The following TUT7 variants were observed in gnomAD, a reference collection of about 807,000 sequenced individuals.
The protein encoded by TUT7 is terminal uridylyltransferase 7.
In TUT7, 33 loss-of-function variants were observed where a neutral mutation model predicts 165.9. That is an observed-to-expected ratio of 0.20 (90% CI 0.15 to 0.27). The LOEUF (loss-of-function observed/expected upper bound fraction) is 0.27, where lower values mean the gene tolerates loss of function less well. Ranked by LOEUF, TUT7 falls within the 10% of genes least tolerant of loss-of-function variation. TUT7 has a pLI of 1.00. For missense variants in TUT7, 1,338 were observed against 1,762.3 expected, an observed-to-expected ratio of 0.76 and a Z score of 4.31; for synonymous variants, 552 against 608.1, an observed-to-expected ratio of 0.91 and a Z score of 1.36.
Position 86,346,356 on chromosome 9 carries a change from T to TAGCA in TUT7, c.641_644dup (p.Gly216AlafsTer7), listed in dbSNP as rs1221200154. On this transcript the variant is annotated frameshift_variant, in exon 3 of 27. Coordinates refer to ENST00000375963, the MANE Select transcript of TUT7 (RefSeq NM_024617.4). LOFTEE classifies it high-confidence loss of function. ...GTCTCTCCTCAGCCTGCTGTAAGCCTAGCAGCTCCTTCGTTGAAAGTACAG... is the reference window on the plus strand; with the variant it reads ...GTCTCTCCTCAGCCTGCTGTAAGCCTAGCAAGCAGCTCCTTCGTTGAAAGTACAG... 1 of 1,613,976 alleles carries TAGCA rather than the reference T, an allele frequency of 6.2e-7. No individual in the cohort carries two copies. The highest frequency in any genetic ancestry group is 1.3e-5 in the African/African-American group (1 of 74,910).
At position 86,324,078 on chromosome 9, in the gene TUT7, C is replaced by T. The variant is rs548478883; in HGVS notation, c.1790-118G>A. 7.1e-6 allele frequency: 7 copies of T among 987,110 alleles called. No individual in the cohort carries two copies. The African/African-American group carries it at 8.3e-5, about 12-fold the overall frequency. The allele number at this position is 987,110 out of a possible 1,614,324, so 61.1% of individuals were successfully genotyped here. A position where few individuals can be genotyped will look rare whatever the true frequency, so the allele number is the denominator to read the frequency against. On this transcript the variant is annotated intron_variant, in intron 12 of 26. Coordinates refer to ENST00000375963, the MANE Select transcript of TUT7 (RefSeq NM_024617.4). ...GACAACAAACAATGGTAAAATTTAT[C>T]TTGCATTTTATAGACTTAAAAAAAA... is the stretch of plus-strand genomic sequence containing the variant.
At chr9:86,290,301 T>C (rs1447214600) in intron 26 of TUT7, among the ~76,000 whole-genome samples, 1 of 152,200 alleles carries the variant, frequency 6.6e-6, no homozygotes, top group African/African-American at 2.4e-5. Flanking sequence ...AACATTACTT[T>C]CTAAATTTTC....
intron 14 of TUT7, among the ~76,000 whole-genome samples, chr9:86,321,190 TAAA>T (rs758749770): frequency 1.6e-5 from 2 of 121,286 alleles, no homozygotes. Flanking sequence ...CCATCTCTAC[TAAA>T]AAAAAAAAAA....
At chr9:86,321,049 A>G (rs544871674) in intron 14 of TUT7, among the ~76,000 whole-genome samples, 1 of 152,300 alleles carries the variant, frequency 6.6e-6, no homozygotes, top group East Asian at 1.9e-4. Flanking sequence ...CCAGGCTTCA[A>G]GTAACTTGAA....
At position 86,309,356 on chromosome 9, in the gene TUT7, G is replaced by A; in HGVS notation, c.3583-67C>T. ...AATGCATTGATACAAAAACTTCTAG[G>A]AAAATAGGTAAAAAATTAACTACAG... On this transcript the variant is annotated intron_variant, in intron 20 of 26. Transcript: ENST00000375963. 3.5e-6 allele frequency: 5 copies of A among 1,421,366 alleles called. No homozygotes were observed. The South Asian group carries it at 6.2e-5, about 18-fold the overall frequency. 88.0% of individuals were successfully genotyped at this position (1,421,366 alleles called of 1,614,324 possible).
intron 14 of TUT7, among the ~76,000 whole-genome samples, chr9:86,320,146 C>T (rs988492996): frequency 1.3e-5 from 2 of 151,896 alleles, no homozygotes; most frequent in East Asian, 3.9e-4. Flanking sequence ...TCAGAAATCA[C>T]CACCCCGCTA....
intron 26 of TUT7, among the ~76,000 whole-genome samples, chr9:86,298,100 C>G (rs1826520882): frequency 6.6e-6 from 1 of 152,074 alleles, no homozygotes; most frequent in Non-Finnish European, 1.5e-5. Context: ...TTAAATGTTA[C>G]TTTACCAGAG....
At chr9:86,338,314 C>T (rs549789173) in intron 9 of TUT7, among the ~76,000 whole-genome samples, 14 of 150,858 alleles carry the variant, frequency 9.3e-5, no homozygotes, top group South Asian at 4.2e-4. Flanking sequence ...CAGGTTCAAG[C>T]GACAGAATCT....
intron 26 of TUT7, among the ~76,000 whole-genome samples, chr9:86,298,003 C>T (rs1280982315): frequency 6.8e-6 from 1 of 147,344 alleles, no homozygotes; most frequent in Non-Finnish European, 1.5e-5. Context: ...AGTGATGCTG[C>T]AGGACAACAC....
chr9:86,317,922 T>C (rs1199581132), intron 16 of TUT7, among the ~76,000 whole-genome samples: 2 of 152,102 alleles, frequency 1.3e-5, no homozygotes, highest in Non-Finnish European at 2.9e-5. Context: ...TTATAAGCCA[T>C]GTAAAAAAAT....
rs144060548 is a variant in TUT7, at chr9:86,294,052, A to G, written c.4421-5308T>C. ...TGAGCCATGGCGCCCGGCCGCAAGG[A>G]TAGTTTTAAGAGAGTCAATTTCTAG... On this transcript the variant is annotated intron_variant, in intron 26 of 26. Coordinates refer to ENST00000375963, the MANE Select transcript of TUT7 (RefSeq NM_024617.4). Among the ~76,000 whole-genome samples the G allele has an allele frequency of 1.0e-3, 157 of 152,268 alleles. 1 individual carries two copies. Among genetic ancestry groups the G allele is most frequent in the Non-Finnish European group, 6.6e-4 (45 of 68,010 alleles).
chr9:86,340,192 C>T, intron 7 of TUT7, 87 bp from the exon 8 acceptor site: 1 of 1,106,678 alleles, frequency 9.0e-7, no homozygotes. Flanking sequence ...TACCAGTTGT[C>T]CCTTAGCTGT....
intron 17 of TUT7, among the ~76,000 whole-genome samples, chr9:86,315,486 G>A (rs1294206479): frequency 6.6e-6 from 1 of 152,180 alleles, no homozygotes; most frequent in Non-Finnish European, 1.5e-5. Context: ...TGGTGGATCT[G>A]AATAAAAGTT....
intron 10 of TUT7, among the ~76,000 whole-genome samples, chr9:86,328,839 T>G (rs570045382): frequency 8.1e-4 from 123 of 152,266 alleles, no homozygotes; most frequent in South Asian, 3.7e-3. Flanking sequence ...GTAAGGTACT[T>G]ACTCTCTGTA....
At chr9:86,292,851 C>T (rs1249502769) in intron 26 of TUT7, among the ~76,000 whole-genome samples, 4 of 152,070 alleles carry the variant, frequency 2.6e-5, no homozygotes, top group Non-Finnish European at 4.4e-5. Flanking sequence ...GCTACTTGCC[C>T]GTTTCTGTTT....
chr9:86,323,093 G>A lies in TUT7; in HGVS notation c.2657C>T (p.Ser886Leu). Residue 886 changes from serine (S) to leucine (L), a missense_variant, in exon 13 of 27, where the codon TCA becomes TTA. By Grantham distance (145) the Ser-to-Leu change is moderately radical. This residue lies in a region of TUT7 where 425 missense variants were observed against 474.9 expected (regional missense o/e 0.89). Coordinates refer to ENST00000375963, the MANE Select transcript of TUT7 (RefSeq NM_024617.4). ...EDELDNTYTG[S>L]GDEDALSEED... Reference sequence around the variant, plus strand: ...TTCAGATAGGGCGTCCTCATCCCCTGACCCAGTGTAGGTGTTGTCTAACTC... The same window carrying A: ...TTCAGATAGGGCGTCCTCATCCCCTAACCCAGTGTAGGTGTTGTCTAACTC... 6.2e-7 allele frequency: 1 copy of A among 1,614,138 alleles called. No individual in the cohort carries two copies. The highest frequency in any genetic ancestry group is 8.5e-7 in the Non-Finnish European group (1 of 1,180,020).
At chr9:86,289,704 A>G (rs1373681766) in intron 26 of TUT7, among the ~76,000 whole-genome samples, 2 of 151,398 alleles carry the variant, frequency 1.3e-5, no homozygotes, top group Non-Finnish European at 3.0e-5. Flanking sequence ...TATAAAATAG[A>G]AAAAAAAATG....
At chr9:86,308,637 G>C in intron 21 of TUT7, 31 bp from the exon 22 acceptor site, 1 of 1,546,592 alleles carries the variant, frequency 6.5e-7, no homozygotes, top group Non-Finnish European at 8.8e-7. Flanking sequence ...GGGATACCAT[G>C]GTCTTTAGTG....
At chr9:86,333,994 C>A (rs999832136) in intron 10 of TUT7, among the ~76,000 whole-genome samples, 4 of 151,828 alleles carry the variant, frequency 2.6e-5, no homozygotes, top group African/African-American at 9.7e-5. Flanking sequence ...CCTTGTGATC[C>A]CTGGAGAGGG....
Sources: allele counts gnomAD v4.1 joint callset (sites outside exome capture counted in the v4.1 genomes callset), GRCh38; gene constraint gnomAD v4.1.1; regional missense constraint gnomAD v4.1.1; transcripts MANE v1.5; gene names NCBI Gene and HGNC (gene_info 2026-07-23, HGNC 2026-07-21).